Variants in SORT1 observed in about 807,000 individuals in gnomAD.
SORT1 encodes sortilin 1.
A neutral mutation model predicts 101.7 loss-of-function variants in SORT1; 39 were observed. The ratio of observed to expected loss-of-function variants is 0.38; its 90% CI spans 0.30 to 0.50. SORT1 has a LOEUF of 0.50. SORT1 is among the 20% of genes least tolerant of loss of function. The probability of loss-of-function intolerance (pLI) is 0.90; values close to 1 mark genes in which losing one functional copy is unlikely to be tolerated. For missense variants in SORT1, 878 were observed against 1,040.4 expected (o/e 0.84, Z 2.15); for synonymous variants, 396 against 393.7 (o/e 1.01, Z -0.07).
At chr1:109,347,990 A>G (rs1320510023) in intron 6 of SORT1, among the ~76,000 whole-genome samples, 1 of 152,262 alleles carries the variant, frequency 6.6e-6, no homozygotes, top group Admixed American at 6.5e-5. Flanking sequence ...GCACTGTACC[A>G]TCTGCACAGC....
Position 109,397,849 on chromosome 1 carries a change from G to T in SORT1, c.44C>A (p.Pro15His). 7.7e-7 allele frequency: 1 copy of T among 1,292,748 alleles called. No homozygotes were observed. The highest frequency in any genetic ancestry group is 9.9e-7 in the Non-Finnish European group (1 of 1,009,362). The allele number at this position is 1,292,748 out of a possible 1,614,324, so 80.1% of individuals were successfully genotyped here. Residue 15 changes from proline (P) to histidine (H), a missense_variant, in exon 1 of 20, where the codon CCC becomes CAC. By Grantham distance (77) the Pro-to-His change is moderately conservative. Around this residue, in one of 2 missense-constraint regions of SORT1, gnomAD observed 194 missense variants for 145.9 expected, o/e 1.33. Coordinates refer to ENST00000256637, the MANE Select transcript of SORT1 (RefSeq NM_002959.7). ...WGAADGLSRW[P>H]HGLGLLLLLQ... ...GAGGAGGAGGAGGCCGAGGCCATGG[G>T]GCCAGCGCGAGAGGCCGTCCGCAGC...
rs759848600 is a variant in SORT1 at position 109,325,073 on chromosome 1, C to T, written c.1660G>A (p.Gly554Ser). 1 of 1,610,880 alleles carries T rather than the reference C, an allele frequency of 6.2e-7. No individual in the cohort carries two copies. The highest frequency in any genetic ancestry group is 8.5e-7 in the Non-Finnish European group (1 of 1,177,584). Residue 554 changes from glycine to serine, a missense_variant, in exon 14 of 20, where the codon GGT becomes AGT. Coordinates refer to ENST00000256637, the MANE Select transcript of SORT1 (RefSeq NM_002959.7). ...AACGTGTAGGTTTGCCAGCATTGAC[C>T]TTCGTCTGTGGAGAACCTGAAACCA... ...INVIKFSTDE[G>S]QCWQTYTFTR...
intron 2 of SORT1, 100 bp downstream of exon 2, chr1:109,369,430 G>C (rs1158353356): frequency 1.3e-6 from 1 of 777,816 alleles, no homozygotes; most frequent in Non-Finnish European, 2.3e-6. Context: ...TGAGGCTAAA[G>C]ACAGTTTCAG....
chr1:109,338,102 T>A (rs1476113751), intron 10 of SORT1, among the ~76,000 whole-genome samples: 1 of 152,028 alleles, frequency 6.6e-6, no homozygotes, highest in East Asian at 1.9e-4. Flanking sequence ...GGATTGATAG[T>A]GTGTGTGTGA....
rs1184577392 is a variant in SORT1 at position 109,369,513 on chromosome 1, C to G, written c.366+17G>C. On this transcript the variant is annotated intron_variant, in intron 2 of 19. Transcript: ENST00000256637. Reference sequence around the variant, plus strand: ...CTTCTTGCTGGGCTGAAATAACAGACTCAAAATATGACTTACCCCAGTGCT... The same window carrying G: ...CTTCTTGCTGGGCTGAAATAACAGAGTCAAAATATGACTTACCCCAGTGCT... The G allele has an allele frequency of 1.3e-6, 2 of 1,544,204 alleles. No individual in the cohort carries two copies. The highest frequency in any genetic ancestry group is 1.8e-6 in the Non-Finnish European group (2 of 1,116,186).
rs186784949 is a variant in SORT1 at position 109,357,551 on chromosome 1, T to C, written c.441-2082A>G. Reference sequence around the variant, plus strand: ...ATTCTCTGAACCTTTAGCCCTAAACTGGAGATAACTTTTAATTATCTGTGA... The same window carrying C: ...ATTCTCTGAACCTTTAGCCCTAAACCGGAGATAACTTTTAATTATCTGTGA... On this transcript the variant is annotated intron_variant, in intron 3 of 19. Transcript: ENST00000256637. 3.9e-5 allele frequency among the ~76,000 whole-genome samples: 6 copies of C among 152,350 alleles called. No individual in the cohort carries two copies. The East Asian group carries it at 5.8e-4, about 15-fold the overall frequency.
chr1:109,374,905 G>A lies in SORT1; in HGVS notation c.307-5316C>T, dbSNP rs112923888. Among the ~76,000 whole-genome samples the A allele has an allele frequency of 5.0e-3, 764 of 152,304 alleles. 10 individuals are homozygous for A. The highest frequency in any genetic ancestry group is 0.018 in the African/African-American group (733 of 41,566). On this transcript the variant is annotated intron_variant, in intron 1 of 19. Coordinates refer to ENST00000256637, the MANE Select transcript of SORT1 (RefSeq NM_002959.7). ...ACCTGGGAGGTGGAGGCTGTATTGA[G>A]CCAAGATTGCACGACTGAACTCCAC...
intron 16 of SORT1, 38 bp from the exon 17 acceptor site, chr1:109,316,996 A>C: frequency 7.6e-7 from 1 of 1,323,276 alleles, no homozygotes; most frequent in Non-Finnish European, 1.1e-6. Flanking sequence ...GAAGATAAGG[A>C]TGTATTCCTG....
At chr1:109,360,709 G>A (rs779468387) in intron 3 of SORT1, among the ~76,000 whole-genome samples, 1 of 152,090 alleles carries the variant, frequency 6.6e-6, no homozygotes, top group Non-Finnish European at 1.5e-5. Context: ...TGGGGAGGGG[G>A]TCCCTCCTCT....
At chr1:109,367,621 T>C (rs916774524) in intron 2 of SORT1, 140 bp from the exon 3 acceptor site, 11 of 536,992 alleles carry the variant, frequency 2.0e-5, no homozygotes, top group Admixed American at 1.7e-4. Context: ...AAGGATCTAG[T>C]TACTAGGGCT....
chr1:109,327,622 G>A (rs772575468), intron 11 of SORT1, 21 bp from the exon 12 acceptor site: 99 of 1,438,030 alleles, frequency 6.9e-5, no homozygotes, highest in Non-Finnish European at 8.9e-5. Context: ...AAACAAAAGC[G>A]TAGATTAGAA....
At chr1:109,358,244 G>A (rs1166947856) in intron 3 of SORT1, among the ~76,000 whole-genome samples, 1 of 152,176 alleles carries the variant, frequency 6.6e-6, no homozygotes, top group Non-Finnish European at 1.5e-5. Context: ...GCCACTTTGG[G>A]CCCAGGGGTA....
chr1:109,365,053 T>C (rs1650989556), intron 3 of SORT1, among the ~76,000 whole-genome samples: 1 of 152,192 alleles, frequency 6.6e-6, no homozygotes, highest in Non-Finnish European at 1.5e-5. Flanking sequence ...TCTACAATTA[T>C]ATGATACAAC....
chr1:109,319,401 C>A (rs1647466360), intron 15 of SORT1, among the ~76,000 whole-genome samples: 1 of 152,230 alleles, frequency 6.6e-6, no homozygotes. Context: ...CTCTCCCACT[C>A]AGCTGGCAGC....
intron 1 of SORT1, chr1:109,393,470 C>T (rs1344036368): frequency 5.5e-5 from 11 of 199,544 alleles, no homozygotes; most frequent in Admixed American, 3.9e-4. Flanking sequence ...TCCTTTAAGA[C>T]AGTTTCATGC....
intron 7 of SORT1, among the ~76,000 whole-genome samples, chr1:109,346,093 C>T (rs1427869264): frequency 2.0e-5 from 3 of 151,972 alleles, no homozygotes; most frequent in Middle Eastern, 3.4e-3. Flanking sequence ...GGGCGGATCA[C>T]GAGGTCAGGA....
chr1:109,376,571 G>T (rs1343491265), intron 1 of SORT1, among the ~76,000 whole-genome samples: 1 of 149,008 alleles, frequency 6.7e-6, no homozygotes, highest in East Asian at 1.9e-4. Flanking sequence ...GCCATAAAAT[G>T]AATGATATCA....
Position 109,313,948 on chromosome 1 carries a change from G to T in SORT1, c.*95C>A. 1 of 1,281,636 alleles carries T rather than the reference G, an allele frequency of 7.8e-7. No homozygotes were observed. The highest frequency in any genetic ancestry group is 1.1e-6 in the Non-Finnish European group (1 of 893,598). 79.4% of individuals were successfully genotyped at this position (1,281,636 alleles called of 1,614,324 possible). A position where few individuals can be genotyped will look rare whatever the true frequency, so the allele number is the denominator to read the frequency against. ...CAGCAGAAACAGAGCTGGGTCCCTC[G>T]CAATGGGAAATTTATTTCCTGAAGT... On this transcript the variant is annotated 3_prime_UTR_variant, in exon 20 of 20. Transcript: ENST00000256637.
chr1:109,390,407 T>C (rs1652826433), intron 1 of SORT1, among the ~76,000 whole-genome samples: 1 of 152,138 alleles, frequency 6.6e-6, no homozygotes, highest in East Asian at 1.9e-4. Flanking sequence ...AACTTCTCAT[T>C]TGACCCTCCA....
Sources: allele counts gnomAD v4.1 joint callset (sites outside exome capture counted in the v4.1 genomes callset), GRCh38; gene constraint gnomAD v4.1.1; regional missense constraint gnomAD v4.1.1; transcripts MANE v1.5; gene names NCBI Gene and HGNC (gene_info 2026-07-23, HGNC 2026-07-21).